The following CAPZA1 variants were observed in gnomAD, a reference collection of about 807,000 sequenced individuals.
CAPZA1 encodes the protein capping actin protein of muscle Z-line subunit alpha 1.
Under a neutral mutation model 40.8 loss-of-function variants are expected in CAPZA1, and 10 were observed. The ratio of observed to expected loss-of-function variants is 0.25; its 90% confidence interval spans 0.15 to 0.42. The LOEUF (loss-of-function observed/expected upper bound fraction) is 0.42, where lower values mean the gene tolerates loss of function less well. Ranked by LOEUF, CAPZA1 falls within the 10% of genes least tolerant of loss-of-function variation. The pLI is 1.00. For synonymous variants in CAPZA1, 98 were observed against 115.0 expected (o/e 0.85, Z 0.95); for missense variants, 277 against 353.8 (o/e 0.78, Z 1.74).
intron 1 of CAPZA1, among the ~76,000 whole-genome samples, chr1:112,625,711 CCA>C (rs1486533836): frequency 6.6e-6 from 1 of 152,158 alleles, no homozygotes; most frequent in Non-Finnish European, 1.5e-5. Flanking sequence ...TTTCAGCTTC[CCA>C]CCCCCATAAG....
chr1:112,669,920 A>G (rs1427581687), intron 9 of CAPZA1, 72 bp from the exon 10 acceptor site: 3 of 1,538,158 alleles, frequency 2.0e-6, no homozygotes, highest in South Asian at 2.3e-5. Flanking sequence ...TCCATTGACT[A>G]TAGCATTACT....
At chr1:112,620,969 T>A (rs866914053) in intron 1 of CAPZA1, 7 of 152,250 alleles carry the variant, frequency 4.6e-5, no homozygotes, top group African/African-American at 1.7e-4. Flanking sequence ...CCTTGAGTGC[T>A]CTGTAAATCT....
intron 1 of CAPZA1, among the ~76,000 whole-genome samples, chr1:112,646,472 G>A (rs1309154515): frequency 6.6e-6 from 1 of 152,188 alleles, no homozygotes; most frequent in Admixed American, 6.5e-5. Flanking sequence ...AGCTACTCAG[G>A]AGGCTGAGGC....
intron 5 of CAPZA1, among the ~76,000 whole-genome samples, chr1:112,656,625 A>G (rs929413874): frequency 2.0e-5 from 3 of 151,868 alleles, no homozygotes; most frequent in Admixed American, 2.0e-4. Flanking sequence ...AAAGTTTGTC[A>G]CTACCCATTC....
intron 3 of CAPZA1, among the ~76,000 whole-genome samples, chr1:112,653,313 T>C (rs1044028993): frequency 1.3e-5 from 2 of 152,080 alleles, no homozygotes; most frequent in Admixed American, 1.3e-4. Flanking sequence ...AAACCAACTT[T>C]GGAATTGTCT....
chr1:112,667,045 TAAA>T, intron 7 of CAPZA1, 26 bp from the exon 8 acceptor site: 1 of 1,565,560 alleles, frequency 6.4e-7, no homozygotes, highest in Non-Finnish European at 8.7e-7. Context: ...GAACTTCCCC[TAAA>T]AAGGCTCAAA....
chr1:112,666,617 G>GTACC, intron 7 of CAPZA1, among the ~76,000 whole-genome samples: 1 of 152,110 alleles, frequency 6.6e-6, no homozygotes, highest in Admixed American at 6.5e-5. Flanking sequence ...GACTTTTCCT[G>GTACC]TACCTGGTCA....
chr1:112,653,635 G>C lies in CAPZA1; in HGVS notation c.193G>C (p.Val65Leu), dbSNP rs775371505. Residue 65 changes from valine to leucine, a missense_variant, in exon 4 of 10, where the codon GTG (valine) becomes CTG (leucine). By Grantham distance (32) the Val-to-Leu change is conservative. Coordinates refer to ENST00000263168, the MANE Select transcript of CAPZA1 (RefSeq NM_006135.3). ...AQYNMDQFTP[V>L]KIEGYEDQVL... ...GTATAACATGGATCAGTTCACGCCT[G>C]TGAAGATAGAAGGATATGAAGATCA... 2 of 1,599,900 alleles carry C rather than the reference G, an allele frequency of 1.3e-6. No individual in the cohort carries two copies. The highest frequency in any genetic ancestry group is 8.5e-7 in the Non-Finnish European group (1 of 1,173,852).
intron 7 of CAPZA1, among the ~76,000 whole-genome samples, chr1:112,662,641 G>T (rs140153204): frequency 0.031 from 4,779 of 151,740 alleles, 273 homozygotes; most frequent in African/African-American, 0.11. Context: ...CTTGTGATCC[G>T]CCTCCCTCAG....
intron 7 of CAPZA1, 27 bp downstream of exon 7, chr1:112,659,806 TAA>T: frequency 6.5e-7 from 1 of 1,550,288 alleles, no homozygotes; most frequent in Non-Finnish European, 8.9e-7. Flanking sequence ...TTTATAGACT[TAA>T]AACTTCACAT....
At chr1:112,634,099 C>T (rs767735285) in intron 1 of CAPZA1, among the ~76,000 whole-genome samples, 8 of 151,968 alleles carry the variant, frequency 5.3e-5, no homozygotes, top group Non-Finnish European at 1.2e-4. Context: ...ATGCAACATC[C>T]GAAATATCTT....
At chr1:112,661,677 G>A (rs896953675) in intron 7 of CAPZA1, among the ~76,000 whole-genome samples, 1 of 152,164 alleles carries the variant, frequency 6.6e-6, no homozygotes, top group South Asian at 2.1e-4. Flanking sequence ...GAAGCTTATT[G>A]TAAATTTTGT....
At chr1:112,627,471 C>A (rs1461435920) in intron 1 of CAPZA1, among the ~76,000 whole-genome samples, 1 of 150,768 alleles carries the variant, frequency 6.6e-6, no homozygotes, top group Non-Finnish European at 1.5e-5. Context: ...ATAGTGAAAC[C>A]CCATCTCTAG....
chr1:112,666,771 A>T, intron 7 of CAPZA1: 1 of 246,026 alleles, frequency 4.1e-6, no homozygotes, highest in Non-Finnish European at 7.7e-6. Context: ...TAAGAGTGGG[A>T]TCTCATTTAC....
At chr1:112,669,743 C>T in intron 9 of CAPZA1, 138 bp downstream of exon 9, 1 of 791,112 alleles carries the variant, frequency 1.3e-6, no homozygotes, top group South Asian at 1.8e-5. Context: ...CTTTGCAGAC[C>T]TTCCAAGTTG....
At chr1:112,641,136 G>A (rs1211268314) in intron 1 of CAPZA1, among the ~76,000 whole-genome samples, 1 of 151,812 alleles carries the variant, frequency 6.6e-6, no homozygotes, top group Non-Finnish European at 1.5e-5. Flanking sequence ...TTGTTCACTT[G>A]TTTATCTGCT....
rs140381367 is a variant in CAPZA1, at chr1:112,664,102, C to T, written c.586-2972C>T. 1.2e-3 allele frequency among the ~76,000 whole-genome samples: 189 copies of T among 152,000 alleles called. 1 individual carries two copies. Among genetic ancestry groups the T allele is most frequent in the African/African-American group, 4.2e-3 (176 of 41,480 alleles). ...CAAAAATTAGCTGGCCATGGTGGCACGCACCTGTAGTCCCAGCTACGTGGG... is the reference window on the plus strand; with the variant it reads ...CAAAAATTAGCTGGCCATGGTGGCATGCACCTGTAGTCCCAGCTACGTGGG... On this transcript the variant is annotated intron_variant, in intron 7 of 9. Coordinates refer to ENST00000263168, the MANE Select transcript of CAPZA1 (RefSeq NM_006135.3).
At chr1:112,622,970 C>G (rs999701851) in intron 1 of CAPZA1, among the ~76,000 whole-genome samples, 1 of 151,616 alleles carries the variant, frequency 6.6e-6, no homozygotes, top group African/African-American at 2.4e-5. Context: ...ACTGCAACCT[C>G]CACCTCCTGA....
chr1:112,649,683 T>A, intron 3 of CAPZA1: 1 of 547,430 alleles, frequency 1.8e-6, no homozygotes, highest in Non-Finnish European at 3.2e-6. Flanking sequence ...AACTAGTTTT[T>A]ATTTCTGCCC....
Sources: gnomAD v4.1 joint callset for allele counts (sites outside exome capture counted in the v4.1 genomes callset) on GRCh38, gnomAD v4.1.1 for gene constraint, MANE v1.5 for transcripts, NCBI Gene and HGNC (gene_info 2026-07-23, HGNC 2026-07-21) for gene names.